The following TLL1 variants were observed in gnomAD, a reference collection of about 807,000 sequenced individuals.
The protein encoded by TLL1 is tolloid-like protein 1.
TLL1 carries 49 observed loss-of-function variants against 128.2 expected under a neutral mutation model. That is an observed-to-expected ratio of 0.38 (90% CI 0.30 to 0.48). The LOEUF is 0.48. Ranked by LOEUF, TLL1 falls within the 20% of genes least tolerant of loss-of-function variation. The probability of loss-of-function intolerance (pLI) is 0.96; values close to 1 mark genes in which losing one functional copy is unlikely to be tolerated. For missense variants in TLL1, 1,123 were observed against 1,242.0 expected (o/e 0.90, Z 1.44); for synonymous variants, 454 against 418.8 (o/e 1.08, Z -1.03).
intron 1 of TLL1, among the ~76,000 whole-genome samples, chr4:165,900,774 T>C (rs1320759955): frequency 6.6e-6 from 1 of 152,230 alleles, no homozygotes; most frequent in Non-Finnish European, 1.5e-5. Flanking sequence ...TGAATTTGAA[T>C]GTTGGCCTGT....
At chr4:165,889,863 T>A (rs1731318163) in intron 1 of TLL1, among the ~76,000 whole-genome samples, 1 of 152,354 alleles carries the variant, frequency 6.6e-6, no homozygotes, top group East Asian at 1.9e-4. Context: ...TTATTAAAAC[T>A]TTTAATAATA....
At chr4:166,036,607 A>G (rs1171074189) in intron 9 of TLL1, among the ~76,000 whole-genome samples, 1 of 152,152 alleles carries the variant, frequency 6.6e-6, no homozygotes, top group Non-Finnish European at 1.5e-5. Flanking sequence ...TTTTATGTCT[A>G]TAATCAGAGC....
At chr4:165,936,748 T>C (rs953399448) in intron 1 of TLL1, among the ~76,000 whole-genome samples, 1 of 151,986 alleles carries the variant, frequency 6.6e-6, no homozygotes, top group Admixed American at 6.6e-5. Flanking sequence ...GCCAACATGG[T>C]GAAACCTTGT....
intron 1 of TLL1, among the ~76,000 whole-genome samples, chr4:165,918,184 T>A (rs1732872070): frequency 6.6e-6 from 1 of 152,184 alleles, no homozygotes; most frequent in African/African-American, 2.4e-5. Flanking sequence ...TACAGTTCAA[T>A]CGTTGTGTAA....
At chr4:166,008,807 T>TC (rs1010911110) in intron 7 of TLL1, among the ~76,000 whole-genome samples, 22 of 151,532 alleles carry the variant, frequency 1.5e-4, no homozygotes, top group African/African-American at 5.3e-4. Flanking sequence ...CAACTCTTTT[T>TC]TTTTTTTGCC....
At chr4:165,972,949 T>C (rs1735690110) in intron 1 of TLL1, among the ~76,000 whole-genome samples, 1 of 145,318 alleles carries the variant, frequency 6.9e-6, no homozygotes, top group Admixed American at 7.1e-5. Flanking sequence ...ATGGGCATTC[T>C]GGCTGAGAAT....
chr4:165,932,111 A>G (rs1270399812), intron 1 of TLL1, among the ~76,000 whole-genome samples: 1 of 152,132 alleles, frequency 6.6e-6, no homozygotes, highest in Non-Finnish European at 1.5e-5. Flanking sequence ...GGATACAATA[A>G]AAAGAGGTGA....
At chr4:166,095,123 A>T (rs1741960295) in intron 19 of TLL1, among the ~76,000 whole-genome samples, 1 of 152,072 alleles carries the variant, frequency 6.6e-6, no homozygotes, top group African/African-American at 2.4e-5. Context: ...TATACAGTTT[A>T]ATTTGCTTAG....
At chr4:165,891,379 A>C (rs1430216894) in intron 1 of TLL1, among the ~76,000 whole-genome samples, 1 of 152,138 alleles carries the variant, frequency 6.6e-6, no homozygotes, top group African/African-American at 2.4e-5. Context: ...AATTCTCCAA[A>C]CTTTTATGCT....
intron 1 of TLL1, among the ~76,000 whole-genome samples, chr4:165,901,856 C>G (rs939299899): frequency 6.6e-6 from 1 of 152,212 alleles, no homozygotes; most frequent in Non-Finnish European, 1.5e-5. Context: ...CCACCCCTTA[C>G]CCCAGGTGCT....
At chr4:165,930,168 G>T (rs1019389829) in intron 1 of TLL1, among the ~76,000 whole-genome samples, 1 of 152,130 alleles carries the variant, frequency 6.6e-6, no homozygotes, top group Non-Finnish European at 1.5e-5. Flanking sequence ...CAAGGTCTGG[G>T]TGCATTCTCC....
chr4:166,001,527 A>C (rs968214384), intron 5 of TLL1, among the ~76,000 whole-genome samples: 6 of 152,030 alleles, frequency 3.9e-5, no homozygotes, highest in Non-Finnish European at 7.4e-5. Flanking sequence ...GGCTGGCCAC[A>C]ATGGCCCACA....
chr4:166,005,420 C>T (rs1737377381), intron 6 of TLL1, among the ~76,000 whole-genome samples: 1 of 151,854 alleles, frequency 6.6e-6, no homozygotes, highest in South Asian at 2.1e-4. Context: ...TTAAGCAATA[C>T]TTGGTAGAGT....
intron 20 of TLL1, among the ~76,000 whole-genome samples, chr4:166,100,466 A>G (rs892288699): frequency 6.6e-6 from 1 of 152,110 alleles, no homozygotes; most frequent in African/African-American, 2.4e-5. Context: ...CTCAAGTTCT[A>G]GAGAGAAAAG....
chr4:165,873,682 C>T lies in TLL1; in HGVS notation c.-223C>T. ...ACCTGCCCTCCGCCCACCCGTGGGC[C>T]CCTAGCCAACTTCTCCCTGCGACTG... On this transcript the variant is annotated 5_prime_UTR_variant, in exon 1 of 21. Coordinates refer to ENST00000061240, the MANE Select transcript of TLL1 (RefSeq NM_012464.5). The T allele has an allele frequency of 1.8e-6, 1 of 542,196 alleles. No homozygotes were observed. The highest frequency in any genetic ancestry group is 3.3e-6 in the Non-Finnish European group (1 of 303,114). The allele number at this position is 542,196 out of a possible 1,614,324, so 33.6% of individuals were successfully genotyped here. A position where few individuals can be genotyped will look rare whatever the true frequency, so the allele number is the denominator to read the frequency against.
At chr4:166,030,119 G>A (rs72974357) in intron 9 of TLL1, among the ~76,000 whole-genome samples, 2,589 of 152,144 alleles carry the variant, frequency 0.017, 84 homozygotes, top group African/African-American at 0.059. Context: ...GACTGCAAAA[G>A]GGTTCCAATT....
chr4:166,099,538 C>T lies in TLL1; in HGVS notation c.2907+11C>T, dbSNP rs760262571. 2.5e-6 allele frequency: 4 copies of T among 1,611,544 alleles called. No homozygotes were observed. In the East Asian group the frequency reaches 8.9e-5, roughly 36 times the overall value. On this transcript the variant is annotated intron_variant, in intron 20 of 20. Transcript: ENST00000061240. Reference sequence around the variant, plus strand: ...TTCTGTGGATCCGGGGTAAATATACCACCAACAGAATACCCTAGACATGAT... The same window carrying T: ...TTCTGTGGATCCGGGGTAAATATACTACCAACAGAATACCCTAGACATGAT...
At chr4:165,922,446 C>T (rs1579490619) in intron 1 of TLL1, among the ~76,000 whole-genome samples, 1 of 152,222 alleles carries the variant, frequency 6.6e-6, no homozygotes, top group Middle Eastern at 3.4e-3. Flanking sequence ...CTTCTTCCTT[C>T]GTTTCTTTAA....
chr4:166,009,112 A>G (rs971831875), intron 7 of TLL1, among the ~76,000 whole-genome samples: 7 of 151,504 alleles, frequency 4.6e-5, no homozygotes, highest in African/African-American at 1.7e-4. Flanking sequence ...TTAACTGTCC[A>G]AATGTTTATT....
Sources: allele counts gnomAD v4.1 joint callset (sites outside exome capture counted in the v4.1 genomes callset), GRCh38; gene constraint gnomAD v4.1.1; transcripts MANE v1.5; gene names NCBI Gene and HGNC (gene_info 2026-07-23, HGNC 2026-07-21).